The following GET1 variants were observed in gnomAD, a reference collection of about 807,000 sequenced individuals.
GET1 encodes the protein guided entry of tail-anchored proteins factor 1.
GET1 carries 20 observed loss-of-function variants against 22.6 expected under a neutral mutation model. The ratio of observed to expected loss-of-function variants is 0.89; its 90% CI spans 0.62 to 1.29. The LOEUF is 1.29. GET1 is among the 50% of genes most tolerant of loss of function. The pLI, the probability that GET1 is intolerant of heterozygous loss-of-function variation, is 0.00. For missense variants in GET1, 209 were observed against 219.9 expected, an observed-to-expected ratio of 0.95 and a Z score of 0.31; for synonymous variants, 92 against 83.8, an observed-to-expected ratio of 1.10 and a Z score of -0.53.
chr21:39,410,260 G>A (rs1425382225), downstream of GET1: 1 of 1,574,178 alleles, frequency 6.4e-7, no homozygotes. Flanking sequence ...CAAATTTGCT[G>A]TACCTTAGTT....
At chr21:39,427,484 A>T (rs1315754035) in intron 1 of GET1, among the ~76,000 whole-genome samples, 2 of 151,986 alleles carry the variant, frequency 1.3e-5, no homozygotes, top group Non-Finnish European at 2.9e-5. Flanking sequence ...AACACGGTGA[A>T]ACCCTGTCTC....
intron 4 of GET1, among the ~76,000 whole-genome samples, chr21:39,395,707 G>A (rs1437926162): frequency 6.6e-6 from 1 of 151,858 alleles, no homozygotes; most frequent in African/African-American, 2.4e-5. Context: ...TACCACCCCT[G>A]TCCCCTTCCC....
downstream of GET1, among the ~76,000 whole-genome samples, chr21:39,401,630 C>A (rs867271806): frequency 6.6e-6 from 1 of 151,978 alleles, no homozygotes; most frequent in Non-Finnish European, 1.5e-5. Context: ...TGTTTTTTTG[C>A]GCTTCACTTT....
rs529785669 is a variant in GET1 at position 39,390,873 on chromosome 21, C to G, written c.268+10C>G. On this transcript the variant is annotated intron_variant, in intron 2 of 4. Transcript: ENST00000649170. ...AAGCTCAAAACCCATGGTACTGTGT[C>G]CCTTGCAGCCTGGAGGCTTCATGAG... is the stretch of plus-strand genomic sequence containing the variant. 1 of 1,613,690 alleles carries G rather than the reference C, an allele frequency of 6.2e-7. No homozygotes were observed. Among genetic ancestry groups the G allele is most frequent in the South Asian group, 1.1e-5 (1 of 90,982 alleles).
chr21:39,400,913 A>AT (rs775534107), downstream of GET1, among the ~76,000 whole-genome samples: 843 of 143,336 alleles, frequency 5.9e-3, 4 homozygotes, highest in African/African-American at 0.016. Context: ...CTTTTCCTGT[A>AT]TTTTTTTTTT....
In GET1 at chr21:39,392,004, T is replaced by G. The variant is rs2038332220; in HGVS notation, c.336+168T>G. The stretch of plus-strand genomic sequence containing the variant: ...AACACTCTCGGTCTCTAAGTCAGAC[T>G]AAAAGGAAGCCTTTCTCTTGAGGAG... On this transcript the variant is annotated intron_variant, in intron 3 of 4. Transcript: ENST00000649170. The G allele has an allele frequency of 1.3e-5, 8 of 616,648 alleles. No homozygotes were observed. The Admixed American group carries it at 2.5e-4, about 19-fold the overall frequency. 38.2% of individuals were successfully genotyped at this position (616,648 alleles called of 1,614,324 possible). A position where few individuals can be genotyped will look rare whatever the true frequency, so the allele number is the denominator to read the frequency against.
downstream of GET1, among the ~76,000 whole-genome samples, chr21:39,401,087 T>G (rs2038827531): frequency 6.6e-6 from 1 of 152,122 alleles, no homozygotes; most frequent in Non-Finnish European, 1.5e-5. Context: ...TTTCTCATTT[T>G]TTATTTTTGT....
chr21:39,380,458 G>C lies in GET1; in HGVS notation c.74G>C (p.Arg25Thr). ...LSFVFGCNVL[R>T]ILLPSFSSFM... ...TTCGTGTTTGGATGCAATGTTCTTA[G>C]GATCCTCCTCCCGTCCTTCTCATCC... is the stretch of plus-strand genomic sequence containing the variant. Residue 25 changes from arginine (R) to threonine (T), a missense_variant, in exon 1 of 5, where the codon AGG becomes ACG. Transcript: ENST00000649170. 4.3e-6 allele frequency: 7 copies of C among 1,613,250 alleles called. No individual in the cohort carries two copies. Among genetic ancestry groups the C allele is most frequent in the Non-Finnish European group, 5.9e-6 (7 of 1,179,690 alleles).
intron 1 of GET1, among the ~76,000 whole-genome samples, chr21:39,427,015 CTA>C (rs574625619): frequency 1.9e-4 from 29 of 152,202 alleles, no homozygotes; most frequent in Non-Finnish European, 4.0e-4. Context: ...AATCCCTGTG[CTA>C]TAGCAGGGGA....
chr21:39,391,065 A>G lies in GET1; in HGVS notation c.268+202A>G, dbSNP rs929694951. 6.5e-6 allele frequency: 3 copies of G among 464,696 alleles called. No individual in the cohort carries two copies. The East Asian group carries it at 1.1e-4, about 17-fold the overall frequency. 28.8% of individuals were successfully genotyped at this position (464,696 alleles called of 1,614,324 possible). ...ACCTTTGCTTTCTAAGCACAGAAAT[A>G]TCTAAGATCCTCTCAGATTTTCCTC... On this transcript the variant is annotated intron_variant, in intron 2 of 4. Transcript: ENST00000649170.
At chr21:39,425,309 A>G (rs1428565786) in intron 1 of GET1, among the ~76,000 whole-genome samples, 1 of 152,208 alleles carries the variant, frequency 6.6e-6, no homozygotes, top group Non-Finnish European at 1.5e-5. Flanking sequence ...TCTACCTGTG[A>G]TAGAAACAAT....
intron 1 of GET1, among the ~76,000 whole-genome samples, chr21:39,385,449 G>T (rs574420719): frequency 1.3e-5 from 2 of 152,328 alleles, no homozygotes; most frequent in South Asian, 4.1e-4. Flanking sequence ...CCAAGTCCGT[G>T]GTGTTGGCGT....
At chr21:39,403,550 C>T (rs2038897267) in intron 4 of GET1, among the ~76,000 whole-genome samples, 1 of 56,188 alleles carries the variant, frequency 1.8e-5, no homozygotes, top group Non-Finnish European at 3.6e-5. Flanking sequence ...TGGTCTCGAT[C>T]TGACTTCATG....
intron 4 of GET1, among the ~76,000 whole-genome samples, chr21:39,395,125 T>C (rs573715662): frequency 6.6e-6 from 1 of 152,312 alleles, no homozygotes; most frequent in East Asian, 1.9e-4. Context: ...TCCTCCCTCC[T>C]CAGCCTCTCA....
At chr21:39,407,364 G>A (rs2837010), downstream of GET1, among the ~76,000 whole-genome samples, 117,213 of 152,152 alleles carry the variant, frequency 0.77, 45,459 homozygotes, top group African/African-American at 0.84. Flanking sequence ...TTTGGTCCCC[G>A]CTGGTGGGTG....
chr21:39,395,905 T>C (rs1025756262), intron 4 of GET1, among the ~76,000 whole-genome samples: 5 of 152,180 alleles, frequency 3.3e-5, no homozygotes, highest in Admixed American at 6.5e-5. Context: ...AAGAAAGGCA[T>C]AGGTAGACAT....
chr21:39,393,104 C>T (rs2038413780), intron 3 of GET1, 62 bp from the exon 4 acceptor site: 3 of 1,399,242 alleles, frequency 2.1e-6, no homozygotes, highest in Admixed American at 3.4e-5. Flanking sequence ...CCCTGTCCTC[C>T]CTTCTGTGTG....
chr21:39,403,120 T>C (rs2038879450), intron 4 of GET1, among the ~76,000 whole-genome samples: 1 of 151,898 alleles, frequency 6.6e-6, no homozygotes, highest in East Asian at 1.9e-4. Flanking sequence ...TTTCCAGGAG[T>C]CCTTTTAATA....
At chr21:39,396,226 T>C (rs1601640280) in intron 4 of GET1, among the ~76,000 whole-genome samples, 1 of 152,070 alleles carries the variant, frequency 6.6e-6, no homozygotes, top group South Asian at 2.1e-4. Flanking sequence ...TGAAACCGTG[T>C]CTGTACTAAA....
Sources: gnomAD v4.1 joint callset for allele counts (sites outside exome capture counted in the v4.1 genomes callset) on GRCh38, gnomAD v4.1.1 for gene constraint, MANE v1.5 for transcripts, NCBI Gene and HGNC (gene_info 2026-07-23, HGNC 2026-07-21) for gene names.